Variants in SHTN1 observed in about 807,000 individuals in gnomAD.
SHTN1 encodes the protein shootin 1, also known as shootin-1.
SHTN1 carries 42 observed loss-of-function variants against 83.1 expected under a neutral mutation model. The observed-to-expected ratio is 0.51, with a 90% CI of 0.39 to 0.65. The LOEUF (loss-of-function observed/expected upper bound fraction) is 0.65, where lower values mean the gene tolerates loss of function less well. Ranked by LOEUF, SHTN1 falls within the 30% of genes least tolerant of loss-of-function variation. The pLI is 0.00. For missense variants in SHTN1, 622 were observed against 737.8 expected, an observed-to-expected ratio of 0.84 and a Z score of 1.82; for synonymous variants, 224 against 247.7, an observed-to-expected ratio of 0.90 and a Z score of 0.90.
At chr10:117,069,897 C>G (rs1282580454) in intron 1 of SHTN1, among the ~76,000 whole-genome samples, 1 of 151,906 alleles carries the variant, frequency 6.6e-6, no homozygotes, top group Non-Finnish European at 1.5e-5. Flanking sequence ...TTATATCTAG[C>G]CAACAGATTG....
intron 11 of SHTN1, among the ~76,000 whole-genome samples, chr10:116,924,320 T>C (rs1361683399): frequency 1.3e-5 from 2 of 150,156 alleles, no homozygotes; most frequent in Non-Finnish European, 2.9e-5. Flanking sequence ...TGACCTCGCC[T>C]CTCGTTCTGT....
Position 116,923,315 on chromosome 10 carries a change from T to C in SHTN1, c.1113-1799A>G, listed in dbSNP as rs559952880. 3.3e-5 allele frequency among the ~76,000 whole-genome samples: 5 copies of C among 152,338 alleles called. No homozygotes were observed. In the South Asian group the frequency reaches 8.3e-4, roughly 25 times the overall value. ...GTGTACATATCTGCATATAGCATCA[T>C]TTCCTCCATAAAATGTTTACCAAAA... On this transcript the variant is annotated intron_variant, in intron 11 of 16. Transcript: ENST00000355371.
chr10:117,004,946 C>T lies in SHTN1; in HGVS notation c.58+76G>A, dbSNP rs958275272. 18 of 1,397,128 alleles carry T rather than the reference C, an allele frequency of 1.3e-5. No homozygotes were observed. The African/African-American group carries it at 2.3e-4, about 18-fold the overall frequency. The allele number at this position is 1,397,128 out of a possible 1,614,324, so 86.5% of individuals were successfully genotyped here. ...CGTCTCCCGCCCGGCTTCCAACTGC[C>T]CTGGCCCCAGCGCCCTGGGGCCGTC... On this transcript the variant is annotated intron_variant, in intron 1 of 16. Coordinates refer to ENST00000355371, the MANE Select transcript of SHTN1 (RefSeq NM_001127211.3).
At chr10:116,953,205 TTAAA>T (rs1589837841) in intron 5 of SHTN1, among the ~76,000 whole-genome samples, 1 of 152,208 alleles carries the variant, frequency 6.6e-6, no homozygotes, top group Non-Finnish European at 1.5e-5. Flanking sequence ...TCCTACATCT[TTAAA>T]TAAACATGTG....
intron 1 of SHTN1, among the ~76,000 whole-genome samples, chr10:117,100,365 A>G (rs1853572487): frequency 2.0e-5 from 3 of 152,284 alleles, no homozygotes; most frequent in South Asian, 4.2e-4. Context: ...AGTTGTTGCC[A>G]CAGAGACTTA....
intron 2 of SHTN1, among the ~76,000 whole-genome samples, chr10:117,040,575 T>C (rs1852569434): frequency 6.6e-6 from 1 of 152,228 alleles, no homozygotes; most frequent in South Asian, 2.1e-4. Flanking sequence ...AAGATGCTAA[T>C]AATAGGGAAA....
At chr10:116,906,568 T>C in intron 15 of SHTN1, 59 bp downstream of exon 15, 3 of 1,510,002 alleles carry the variant, frequency 2.0e-6, no homozygotes, top group Middle Eastern at 1.8e-4. Context: ...AAAAAGAGAC[T>C]TAGAAGAAGA....
chr10:117,085,184 C>T (rs1211976440), intron 1 of SHTN1, among the ~76,000 whole-genome samples: 2 of 152,164 alleles, frequency 1.3e-5, no homozygotes, highest in Admixed American at 1.3e-4. Context: ...TTTTCTTCTA[C>T]TTTCTTTGAA....
chr10:116,926,470 C>T (rs1174420440), intron 11 of SHTN1, among the ~76,000 whole-genome samples: 3 of 152,134 alleles, frequency 2.0e-5, no homozygotes, highest in Non-Finnish European at 4.4e-5. Flanking sequence ...ACTCTTGGAT[C>T]GATCACGTGT....
chr10:116,922,793 T>G (rs528765938), intron 11 of SHTN1, among the ~76,000 whole-genome samples: 1 of 151,984 alleles, frequency 6.6e-6, no homozygotes, highest in African/African-American at 2.4e-5. Flanking sequence ...GGCAAAACCC[T>G]GTCTCTACTA....
At chr10:116,936,517 C>T (rs1280608245) in intron 9 of SHTN1, among the ~76,000 whole-genome samples, 1 of 152,158 alleles carries the variant, frequency 6.6e-6, no homozygotes, top group African/African-American at 2.4e-5. Flanking sequence ...AATTTGATTG[C>T]ACTGTGGTCT....
Position 116,901,833 on chromosome 10 carries a change from G to C in SHTN1, c.1605C>G (p.Pro535=). ...GCCCTTCACCTGGCTCAGGTGTTGG[G>C]GGGGACGGGCTGTTGAATTCTGCCT... The part of the protein sequence containing the change: ...TLEAEFNSPS[P]PTPEPGEGPR... The change falls in exon 16 of 17, where the codon CCC becomes CCG. Residue 535 remains proline (P), a synonymous_variant. Transcript: ENST00000355371. 6.2e-7 allele frequency: 1 copy of C among 1,604,558 alleles called. No homozygotes were observed.
At chr10:116,993,017 CTTTTTTT>C (rs35364697) in intron 1 of SHTN1, among the ~76,000 whole-genome samples, 9 of 121,226 alleles carry the variant, frequency 7.4e-5, no homozygotes, top group African/African-American at 2.5e-4. Flanking sequence ...TCTTTTTTTT[CTTTTTTT>C]TTTTTTTTTG....
At chr10:117,083,675 G>A (rs557417753) in intron 1 of SHTN1, among the ~76,000 whole-genome samples, 3,270 of 151,130 alleles carry the variant, frequency 0.022, 80 homozygotes, top group East Asian at 0.1. Flanking sequence ...AGGTACACCA[G>A]TCAGACGTAG....
intron 1 of SHTN1, among the ~76,000 whole-genome samples, chr10:117,076,106 C>T (rs139726530): frequency 6.6e-6 from 1 of 150,596 alleles, no homozygotes; most frequent in African/African-American, 2.5e-5. Flanking sequence ...TCACCTGAGC[C>T]TGGAAGGCAG....
chr10:116,967,217 A>G (rs1850426629), intron 3 of SHTN1, among the ~76,000 whole-genome samples: 1 of 152,214 alleles, frequency 6.6e-6, no homozygotes, highest in Non-Finnish European at 1.5e-5. Context: ...TGCCTATGAC[A>G]TATTTCCATC....
intron 12 of SHTN1, among the ~76,000 whole-genome samples, chr10:116,916,972 T>C (rs1421051268): frequency 1.3e-5 from 2 of 152,172 alleles, no homozygotes; most frequent in Non-Finnish European, 2.9e-5. Flanking sequence ...ATGGGAAACA[T>C]GGTCACCAAA....
intron 9 of SHTN1, among the ~76,000 whole-genome samples, chr10:116,934,520 G>C (rs568991947): frequency 1.3e-5 from 2 of 152,194 alleles, no homozygotes; most frequent in South Asian, 4.2e-4. Context: ...ATGTTCCTTT[G>C]GTCTACGTAT....
At chr10:116,940,328 T>G (rs1472737870) in intron 9 of SHTN1, 138 bp downstream of exon 9, 2 of 803,040 alleles carry the variant, frequency 2.5e-6, no homozygotes, top group African/African-American at 3.5e-5. Context: ...AAAAGGTGGT[T>G]GAAAGCACTT....
Sources: allele counts gnomAD v4.1 joint callset (sites outside exome capture counted in the v4.1 genomes callset), GRCh38; gene constraint gnomAD v4.1.1; transcripts MANE v1.5; gene names NCBI Gene and HGNC (gene_info 2026-07-23, HGNC 2026-07-21).